SHC2: variants seen among roughly 807,000 people sequenced by gnomAD.
The protein encoded by SHC2 is SHC-transforming protein 2.
Under a neutral mutation model 60.6 loss-of-function variants are expected in SHC2, and 62 were observed. The observed-to-expected ratio is 1.02, with a 90% CI of 0.83 to 1.26. The LOEUF (loss-of-function observed/expected upper bound fraction) is 1.26. Among genes scored for constraint, SHC2 ranks in the 50% most tolerant of loss-of-function variants. The pLI is 0.00. For synonymous variants in SHC2, 375 were observed against 372.4 expected (o/e 1.01, Z -0.08); for missense variants, 873 against 822.2 (o/e 1.06, Z -0.76).
chr19:450,438 C>T (rs995298502), intron 1 of SHC2, among the ~76,000 whole-genome samples: 16 of 152,326 alleles, frequency 1.1e-4, no homozygotes, highest in African/African-American at 3.1e-4. Context: ...GCAGCCACCA[C>T]CACCGTCTCT....
At chr19:447,185 C>A (rs919279257) in intron 1 of SHC2, among the ~76,000 whole-genome samples, 1 of 152,180 alleles carries the variant, frequency 6.6e-6, no homozygotes, top group Non-Finnish European at 1.5e-5. Context: ...ATGGCACGGA[C>A]GCACCGTGAG....
rs1974285377 is a variant in SHC2 at position 422,090 on chromosome 19, TGTGCCC to T, written c.1620+50_1620+55del. 11 of 1,182,104 alleles carry T rather than the reference TGTGCCC, an allele frequency of 9.3e-6. No individual in the cohort carries two copies. The highest frequency in any genetic ancestry group is 1.2e-6 in the Non-Finnish European group (1 of 852,468). 73.2% of individuals were successfully genotyped at this position (1,182,104 alleles called of 1,614,324 possible). ...CTGGATGCCCCGAGACCCTCCCACC[TGTGCCC>T]AGCGAAGCCCCTGGATGCCCCGAGA... On this transcript the variant is annotated intron_variant, in intron 11 of 12. Transcript: ENST00000264554. This position sits in a 1 kb window ranked among gnomAD's most constrained non-coding sequence, Gnocchi z 5.0.
intron 7 of SHC2, 92 bp downstream of exon 7, chr19:436,073 G>C: frequency 1.4e-6 from 2 of 1,403,994 alleles, no homozygotes; most frequent in Non-Finnish European, 9.8e-7. Context: ...GGGCAGGACG[G>C]AGGCTGAGGC....
chr19:456,183 C>T (rs888019186), intron 1 of SHC2, among the ~76,000 whole-genome samples: 2 of 152,202 alleles, frequency 1.3e-5, no homozygotes, highest in African/African-American at 4.8e-5. Flanking sequence ...AGCCGCCGGC[C>T]GCAGCCCCCG....
Position 436,160 on chromosome 19 carries a change from G to T in SHC2, c.953+5C>A, listed in dbSNP as rs1481482767. 2 of 1,611,058 alleles carry T rather than the reference G, an allele frequency of 1.2e-6. No homozygotes were observed. Among genetic ancestry groups the T allele is most frequent in the African/African-American group, 1.3e-5 (1 of 74,916 alleles). The stretch of plus-strand genomic sequence containing the variant: ...CCAGGGCACGGGGGAGGCAGCTCTG[G>T]TTACCTTTCTGGGGGCAGCGCCACC... On this transcript the variant is annotated splice_donor_5th_base_variant and intron_variant, in intron 7 of 12. Transcript: ENST00000264554.
At chr19:429,572 G>A (rs569462561) in intron 9 of SHC2, among the ~76,000 whole-genome samples, 2 of 148,892 alleles carry the variant, frequency 1.3e-5, no homozygotes, top group East Asian at 4.1e-4. Flanking sequence ...CTAACACCGT[G>A]TGGATGACGC....
intron 1 of SHC2, among the ~76,000 whole-genome samples, chr19:443,319 T>A (rs951211281): frequency 8.0e-6 from 1 of 124,636 alleles, no homozygotes; most frequent in Admixed American, 7.4e-5. Context: ...AGTGGATGGG[T>A]GGATGGATGG....
chr19:420,087 C>T lies in SHC2; in HGVS notation c.1621-1031G>A, dbSNP rs114744601. On this transcript the variant is annotated intron_variant, in intron 11 of 12. Transcript: ENST00000264554. ...TGCCTTTTAACAAGGTACTGGTAGA[C>T]GTTCTGAAGCTTCTCCAGGTGTAGT... 3.2e-3 allele frequency among the ~76,000 whole-genome samples: 481 copies of T among 152,324 alleles called. 2 individuals carry two copies. Among genetic ancestry groups the T allele is most frequent in the African/African-American group, 0.011 (463 of 41,562 alleles).
In SHC2 at chr19:425,238, A is replaced by C; in HGVS notation, c.1175-7T>G. The C allele has an allele frequency of 7.6e-7, 1 of 1,324,026 alleles. No individual in the cohort carries two copies. Among genetic ancestry groups the C allele is most frequent in the East Asian group, 2.8e-5 (1 of 35,684 alleles). The allele number at this position is 1,324,026 out of a possible 1,614,324, so 82.0% of individuals were successfully genotyped here. A position where few individuals can be genotyped will look rare whatever the true frequency, so the allele number is the denominator to read the frequency against. ...TAGCCGTCCCCCGGTGGAGCTGGGGAGTGTAAAGAGGGGCAGGGGGTCAGC... is the reference window on the plus strand; with the variant it reads ...TAGCCGTCCCCCGGTGGAGCTGGGGCGTGTAAAGAGGGGCAGGGGGTCAGC... On this transcript the variant is annotated splice_region_variant and splice_polypyrimidine_tract_variant and intron_variant, in intron 9 of 12. Transcript: ENST00000264554. This position sits in a 1 kb window ranked among gnomAD's most constrained non-coding sequence, Gnocchi z 4.1.
intron 9 of SHC2, among the ~76,000 whole-genome samples, chr19:428,000 G>T (rs1011168419): frequency 4.6e-5 from 7 of 152,202 alleles, no homozygotes; most frequent in African/African-American, 1.7e-4. Context: ...GCACAGGGAA[G>T]GGAGGATCTC....
In SHC2 at chr19:452,400, G is replaced by A. The variant is rs113153628; in HGVS notation, c.468+8129C>T. 2.4e-3 allele frequency among the ~76,000 whole-genome samples: 229 copies of A among 97,064 alleles called. 2 individuals carry two copies. The highest frequency in any genetic ancestry group is 2.9e-3 in the Non-Finnish European group (142 of 49,416). 63.7% of individuals were successfully genotyped at this position (97,064 alleles called of 152,430 possible). A position where few individuals can be genotyped will look rare whatever the true frequency, so the allele number is the denominator to read the frequency against. The stretch of plus-strand genomic sequence containing the variant: ...TTCCTGCGTAGGTGTGCGTTTCTCC[G>A]TTTCATTGAGGTTGGGGCATCGTAC... On this transcript the variant is annotated intron_variant, in intron 1 of 12. Coordinates refer to ENST00000264554, the MANE Select transcript of SHC2 (RefSeq NM_012435.3).
chr19:451,981 G>A (rs73489633), intron 1 of SHC2, among the ~76,000 whole-genome samples: 7,402 of 152,280 alleles, frequency 0.049, 339 homozygotes, highest in African/African-American at 0.12. Flanking sequence ...CCGTGGTGTC[G>A]GAGCTGCAGA....
intron 11 of SHC2, among the ~76,000 whole-genome samples, chr19:421,392 T>G (rs1296596913): frequency 1.1e-5 from 1 of 88,414 alleles, no homozygotes; most frequent in African/African-American, 4.9e-5. Flanking sequence ...AGTGCGAGAC[T>G]CCATCAAAAA....
At chr19:418,834 A>G (rs1415164925) in intron 12 of SHC2, 89 bp downstream of exon 12, 1 of 1,439,210 alleles carries the variant, frequency 6.9e-7, no homozygotes, top group Admixed American at 2.1e-5. Flanking sequence ...AGGGAAAGGC[A>G]CGGCACGTGA....
rs979793142 is a variant in SHC2, at chr19:440,053, C to T, written c.539+809G>A. On this transcript the variant is annotated intron_variant, in intron 2 of 12. Transcript: ENST00000264554. The surrounding 1 kb of genome is among the most constrained non-coding windows in gnomAD (Gnocchi z 7.0). ...AAAAAAAAAAAAAAAAGGAGCAAGGCTCTGACCCAGGCCACAGCGCGGACA... is the reference window on the plus strand; with the variant it reads ...AAAAAAAAAAAAAAAAGGAGCAAGGTTCTGACCCAGGCCACAGCGCGGACA... Among the ~76,000 whole-genome samples, 18 of 144,196 alleles carry T rather than the reference C, an allele frequency of 1.2e-4. No homozygotes were observed. Among genetic ancestry groups the T allele is most frequent in the African/African-American group, 5.0e-4 (18 of 36,310 alleles). 94.6% of individuals were successfully genotyped at this position (144,196 alleles called of 152,430 possible). A position where few individuals can be genotyped will look rare whatever the true frequency, so the allele number is the denominator to read the frequency against.
intron 1 of SHC2, among the ~76,000 whole-genome samples, chr19:447,316 G>A (rs1442533946): frequency 6.6e-6 from 1 of 152,160 alleles, no homozygotes; most frequent in Admixed American, 6.5e-5. Context: ...GGGGGTGGAG[G>A]GGAGGGACGG....
In SHC2 at chr19:440,187, G is replaced by A. The variant is rs1013758687; in HGVS notation, c.539+675C>T. ...GGACAGGCCGATCCACAGAGACAGG[G>A]AGGGGATGCGTGGGTGCCGGGGCTG... is the stretch of plus-strand genomic sequence containing the variant. On this transcript the variant is annotated intron_variant, in intron 2 of 12. Transcript: ENST00000264554. The surrounding 1 kb of genome is among the most constrained non-coding windows in gnomAD (Gnocchi z 7.0). Among the ~76,000 whole-genome samples, 31 of 151,940 alleles carry A rather than the reference G, an allele frequency of 2.0e-4. No homozygotes were observed. Among genetic ancestry groups the A allele is most frequent in the Non-Finnish European group, 1.0e-4 (7 of 67,982 alleles).
At position 459,271 on chromosome 19, in the gene SHC2, T is replaced by TGTAGGGGGAAGGACCCCACTGAAGCCAGC. The variant is rs1568301508; in HGVS notation, c.468+1229_468+1257dup. On this transcript the variant is annotated intron_variant, in intron 1 of 12. Transcript: ENST00000264554. ...GGGGGAAGGACCCCTCTCAACTCGG[T>TGTAGGGGGAAGGACCCCACTGAAGCCAGC]GTAGGGGGAAGGACCCCACTGAAGC... Among the ~76,000 whole-genome samples, 34 of 73,396 alleles carry TGTAGGGGGAAGGACCCCACTGAAGCCAGC rather than the reference T, an allele frequency of 4.6e-4. 1 individual carries two copies. Among genetic ancestry groups the TGTAGGGGGAAGGACCCCACTGAAGCCAGC allele is most frequent in the African/African-American group, 1.2e-3 (21 of 18,230 alleles). 48.2% of individuals were successfully genotyped at this position (73,396 alleles called of 152,430 possible).
Position 446,216 on chromosome 19 carries a change from C to T in SHC2, c.469-5284G>A, listed in dbSNP as rs1398110930. ...CTCCCTCAGAGCCTCCAGCAGAAAC[C>T]AGCCCTGCCCACACCTTGGCTCGGA... On this transcript the variant is annotated intron_variant, in intron 1 of 12. Coordinates refer to ENST00000264554, the MANE Select transcript of SHC2 (RefSeq NM_012435.3). This position sits in a 1 kb window ranked among gnomAD's most constrained non-coding sequence, Gnocchi z 5.4. Among the ~76,000 whole-genome samples the T allele has an allele frequency of 6.6e-6, 1 of 152,192 alleles. No individual in the cohort carries two copies. Among genetic ancestry groups the T allele is most frequent in the Non-Finnish European group, 1.5e-5 (1 of 68,032 alleles).
Sources: gnomAD v4.1 joint callset for allele counts (sites outside exome capture counted in the v4.1 genomes callset) on GRCh38, gnomAD v4.1.1 for gene constraint, Gnocchi (gnomAD v3.1) non-coding constraint, MANE v1.5 for transcripts, NCBI Gene and HGNC (gene_info 2026-07-23, HGNC 2026-07-21) for gene names.